Variants in RAD18 observed in about 807,000 individuals in gnomAD.
RAD18 encodes RAD18 E3 ubiquitin protein ligase, also known as E3 ubiquitin-protein ligase RAD18.
Under a neutral mutation model 60.4 loss-of-function variants are expected in RAD18, and 47 were observed. That is an observed-to-expected ratio of 0.78 (90% CI 0.62 to 0.99). The LOEUF is 0.99. Among genes scored for constraint, RAD18 ranks in the 50% least tolerant of loss-of-function variants. RAD18 has a pLI of 0.00. For synonymous variants in RAD18, 225 were observed against 195.5 expected, an observed-to-expected ratio of 1.15 and a Z score of -1.26; for missense variants, 640 against 593.3, an observed-to-expected ratio of 1.08 and a Z score of -0.82.
In RAD18 at chr3:8,947,258, G is replaced by T; in HGVS notation, c.228C>A (p.Arg76=). 2.5e-6 allele frequency: 4 copies of T among 1,611,384 alleles called. No individual in the cohort carries two copies. The highest frequency in any genetic ancestry group is 3.4e-6 in the Non-Finnish European group (4 of 1,177,872). ...AGCTTTTTACCAGTTCATCTAATAT[G>T]CGGTTATTTTTCAGATCCGGCTCTG... ...TVTEPDLKNN[R]ILDELVKSLN... Residue 76 remains arginine (R), a synonymous_variant, in exon 4 of 13, where the codon CGC becomes CGA. Coordinates refer to ENST00000264926, the MANE Select transcript of RAD18 (RefSeq NM_020165.4).
intron 9 of RAD18, among the ~76,000 whole-genome samples, chr3:8,911,932 A>C (rs1940111489): frequency 6.6e-6 from 1 of 152,218 alleles, no homozygotes; most frequent in Middle Eastern, 3.2e-3. Context: ...TTTTTGGCAC[A>C]AATTTGCAAG....
chr3:8,916,450 A>C (rs1026003919), intron 7 of RAD18, among the ~76,000 whole-genome samples: 5 of 152,192 alleles, frequency 3.3e-5, no homozygotes, highest in African/African-American at 1.2e-4. Context: ...GGAAAACCTA[A>C]GTTGTGAGTG....
At chr3:8,935,636 T>C (rs139469412) in intron 7 of RAD18, among the ~76,000 whole-genome samples, 1 of 152,114 alleles carries the variant, frequency 6.6e-6, no homozygotes, top group South Asian at 2.1e-4. Flanking sequence ...GATAGGCACA[T>C]GAGAAACTGG....
chr3:8,939,527 C>T (rs1172085230), intron 6 of RAD18, 27 bp downstream of exon 6: 1 of 1,573,250 alleles, frequency 6.4e-7, no homozygotes, highest in East Asian at 2.2e-5. Flanking sequence ...GCTAAAGTAG[C>T]TCAATGGTTC....
At chr3:8,890,127 A>G (rs1939659242) in intron 12 of RAD18, 1 of 467,548 alleles carries the variant, frequency 2.1e-6, no homozygotes, top group Non-Finnish European at 3.9e-6. Flanking sequence ...TAAGTGATGC[A>G]TGACTGTATT....
At chr3:8,943,755 C>T (rs1250548301) in intron 4 of RAD18, among the ~76,000 whole-genome samples, 1 of 152,146 alleles carries the variant, frequency 6.6e-6, no homozygotes, top group Non-Finnish European at 1.5e-5. Flanking sequence ...TAAAGCACCA[C>T]ACTTCTAAAT....
At position 8,946,813 on chromosome 3, in the gene RAD18, A is replaced by G. The variant is rs1940846734; in HGVS notation, c.266+407T>C. ...ATACATATATTACTTAGCTCTGTCC[A>G]TTGAGAGGGCCTAGAAGCAATGACA... On this transcript the variant is annotated intron_variant, in intron 4 of 12. Transcript: ENST00000264926. The G allele has an allele frequency of 2.5e-5, 4 of 162,616 alleles. No homozygotes were observed. The South Asian group carries it at 7.5e-4, about 30-fold the overall frequency. 10.1% of individuals were successfully genotyped at this position (162,616 alleles called of 1,614,324 possible).
At chr3:8,899,371 A>T (rs1438019534) in intron 10 of RAD18, among the ~76,000 whole-genome samples, 3 of 152,232 alleles carry the variant, frequency 2.0e-5, no homozygotes, top group African/African-American at 7.2e-5. Flanking sequence ...CATAGATCAG[A>T]GAACACTGAC....
chr3:8,905,307 CT>C (rs1225699446), intron 9 of RAD18, among the ~76,000 whole-genome samples: 5 of 152,114 alleles, frequency 3.3e-5, no homozygotes, highest in Non-Finnish European at 7.4e-5. Flanking sequence ...TAAATGTAAT[CT>C]TTTTTAGAAC....
chr3:8,901,551 GAC>G (rs1939913625), intron 10 of RAD18, among the ~76,000 whole-genome samples: 1 of 152,128 alleles, frequency 6.6e-6, no homozygotes, highest in Non-Finnish European at 1.5e-5. Context: ...AACACACAAA[GAC>G]AAATATTATA....
intron 1 of RAD18, among the ~76,000 whole-genome samples, chr3:8,962,759 C>A (rs1047575816): frequency 2.0e-5 from 3 of 152,166 alleles, no homozygotes; most frequent in Non-Finnish European, 4.4e-5. Flanking sequence ...GCAAGATCAG[C>A]GCTGAGCCTG....
At chr3:8,903,356 T>C (rs559808536) in intron 9 of RAD18, among the ~76,000 whole-genome samples, 1 of 152,320 alleles carries the variant, frequency 6.6e-6, no homozygotes, top group African/African-American at 2.4e-5. Context: ...TAAGAGTATT[T>C]GCTGAATCTA....
chr3:8,958,915 CT>C lies in RAD18; in HGVS notation c.133+4del. On this transcript the variant is annotated splice_donor_region_variant and intron_variant, in intron 2 of 12. Transcript: ENST00000264926. ...TACTAACTCACAGGAACAAAACATA[CT>C]TACAGTTATGTGAACACTGAGGTAT... The C allele has an allele frequency of 6.2e-7, 1 of 1,607,440 alleles. No homozygotes were observed. Among genetic ancestry groups the C allele is most frequent in the South Asian group, 1.1e-5 (1 of 90,660 alleles).
At chr3:8,957,810 G>T (rs1359849364) in intron 2 of RAD18, among the ~76,000 whole-genome samples, 1 of 152,166 alleles carries the variant, frequency 6.6e-6, no homozygotes, top group Admixed American at 6.5e-5. Context: ...TAATGAAAAT[G>T]TTCAGTATCT....
intron 7 of RAD18, among the ~76,000 whole-genome samples, chr3:8,920,989 G>C (rs1413614440): frequency 2.0e-5 from 3 of 152,180 alleles, no homozygotes; most frequent in African/African-American, 7.2e-5. Flanking sequence ...TAACTACAGT[G>C]GCAATAAAAG....
Position 8,941,319 on chromosome 3 carries a change from T to C in RAD18, c.604+148A>G, listed in dbSNP as rs973323515. ...TTCTGAGAGAGAAAGAGAACAAACA[T>C]ATCTACAACAATGTCTGAGGTTTGT... On this transcript the variant is annotated intron_variant, in intron 5 of 12. Coordinates refer to ENST00000264926, the MANE Select transcript of RAD18 (RefSeq NM_020165.4). 7 of 726,832 alleles carry C rather than the reference T, an allele frequency of 9.6e-6. No homozygotes were observed. The African/African-American group carries it at 1.3e-4, about 13-fold the overall frequency. 45.0% of individuals were successfully genotyped at this position (726,832 alleles called of 1,614,324 possible).
At chr3:8,914,048 A>C (rs1390755717) in intron 7 of RAD18, among the ~76,000 whole-genome samples, 3 of 152,194 alleles carry the variant, frequency 2.0e-5, no homozygotes, top group African/African-American at 4.8e-5. Context: ...TTTTAGTGTG[A>C]GTTCAATTAT....
At chr3:8,937,683 G>A (rs1940676261) in intron 6 of RAD18, among the ~76,000 whole-genome samples, 1 of 152,158 alleles carries the variant, frequency 6.6e-6, no homozygotes, top group Admixed American at 6.5e-5. Flanking sequence ...AGTTTTGTAA[G>A]ATGGAAGTGA....
At chr3:8,940,497 A>C (rs2124828532) in intron 5 of RAD18, among the ~76,000 whole-genome samples, 1 of 152,354 alleles carries the variant, frequency 6.6e-6, no homozygotes, top group Admixed American at 6.5e-5. Flanking sequence ...AAGTACTAAT[A>C]AACTAATTTC....
Sources: gnomAD v4.1 joint callset for allele counts (sites outside exome capture counted in the v4.1 genomes callset) on GRCh38, gnomAD v4.1.1 for gene constraint, MANE v1.5 for transcripts, NCBI Gene and HGNC (gene_info 2026-07-23, HGNC 2026-07-21) for gene names.